The following MYLK variants were observed in gnomAD, a reference collection of about 807,000 sequenced individuals.
The protein encoded by MYLK is myosin light chain kinase, smooth muscle.
Under a neutral mutation model 203.4 loss-of-function variants are expected in MYLK, and 106 were observed. That is an observed-to-expected ratio of 0.52 (90% CI 0.45 to 0.61). MYLK has a LOEUF of 0.61. Ranked by LOEUF, MYLK falls within the 20% of genes least tolerant of loss-of-function variation. MYLK has a pLI of 0.00. For missense variants in MYLK, 2,072 were observed against 2,442.3 expected (o/e 0.85, Z 3.20); for synonymous variants, 867 against 959.5 (o/e 0.90, Z 1.78).
intron 16 of MYLK, among the ~76,000 whole-genome samples, chr3:123,702,617 C>T (rs1484581135): frequency 6.6e-6 from 1 of 152,178 alleles, no homozygotes; most frequent in East Asian, 1.9e-4. Flanking sequence ...TTACATGAGC[C>T]ATCTCATTTA....
In MYLK at chr3:123,657,116, G is replaced by T; in HGVS notation, c.4288+10C>A. ...TGTTTCAAGCCACTGATGAAGTGAT[G>T]GCAGCCTACCTTCAGGTTTCTCTCC... On this transcript the variant is annotated intron_variant, in intron 24 of 33. Transcript: ENST00000360304. The T allele has an allele frequency of 6.2e-7, 1 of 1,614,152 alleles. No homozygotes were observed. The highest frequency in any genetic ancestry group is 1.1e-5 in the South Asian group (1 of 91,072).
intron 4 of MYLK, among the ~76,000 whole-genome samples, chr3:123,765,061 AT>A (rs2063659120): frequency 6.6e-6 from 1 of 152,218 alleles, no homozygotes; most frequent in Non-Finnish European, 1.5e-5. Context: ...AAAAAAAGCA[AT>A]AGAAAATAAC....
chr3:123,821,921 T>C (rs1181415946), intron 3 of MYLK, among the ~76,000 whole-genome samples: 2 of 152,310 alleles, frequency 1.3e-5, no homozygotes, highest in East Asian at 3.9e-4. Context: ...TGCAACGGTT[T>C]TGAGAGGTGG....
In MYLK at chr3:123,657,318, A is replaced by G. The variant is rs764337773; in HGVS notation, c.4096T>C (p.Tyr1366His). 2.5e-6 allele frequency: 4 copies of G among 1,614,118 alleles called. No individual in the cohort carries two copies. The highest frequency in any genetic ancestry group is 3.4e-6 in the Non-Finnish European group (4 of 1,180,014). Reference sequence around the variant, plus strand: ...GCTGAGTCCCAGATCTCGATGCTGTAGGACTGTACAGCACTGCCCCCATCA... The same window carrying G: ...GCTGAGTCCCAGATCTCGATGCTGTGGGACTGTACAGCACTGCCCCCATCA... ...SYDGGSAVQSYSIEIWDSANK... is the reference protein window; with the variant it reads ...SYDGGSAVQSHSIEIWDSANK... Residue 1366 changes from tyrosine to histidine, a missense_variant, in exon 24 of 34, where the codon TAC becomes CAC. Transcript: ENST00000360304.
At chr3:123,818,202 G>A (rs943172542) in intron 3 of MYLK, among the ~76,000 whole-genome samples, 5 of 152,172 alleles carry the variant, frequency 3.3e-5, no homozygotes, top group African/African-American at 1.2e-4. Flanking sequence ...GCCTCCTGCA[G>A]TCACACAGAG....
At chr3:123,680,776 C>T (rs903898204) in intron 20 of MYLK, among the ~76,000 whole-genome samples, 5 of 152,164 alleles carry the variant, frequency 3.3e-5, no homozygotes, top group East Asian at 1.9e-4. Flanking sequence ...TGAGTTAACC[C>T]GGCTCAATTA....
chr3:123,833,045 AAAG>A (rs554942031), intron 2 of MYLK, among the ~76,000 whole-genome samples: 136 of 152,224 alleles, frequency 8.9e-4, no homozygotes, highest in African/African-American at 3.1e-3. Flanking sequence ...CGGGGCTCTC[AAAG>A]AAGGGGCAGG....
intron 4 of MYLK, among the ~76,000 whole-genome samples, chr3:123,791,581 G>A (rs1181015272): frequency 1.3e-5 from 2 of 152,186 alleles, no homozygotes; most frequent in South Asian, 2.1e-4. Context: ...TCTTTCTTCT[G>A]TATACACCAG....
At position 123,707,500 on chromosome 3, in the gene MYLK, T is replaced by C. The variant is rs2061505804; in HGVS notation, c.2390+254A>G. On this transcript the variant is annotated intron_variant, in intron 16 of 33. Transcript: ENST00000360304. ...TCCTTCATACTCACCATACACCACA[T>C]AATGGGGGAACAAGGATGTAACAAG... Among the ~76,000 whole-genome samples, 3 of 152,142 alleles carry C rather than the reference T, an allele frequency of 2.0e-5. No homozygotes were observed. The South Asian group carries it at 6.2e-4, about 31-fold the overall frequency.
chr3:123,749,119 A>ATAC (rs2063116186), intron 5 of MYLK, among the ~76,000 whole-genome samples: 1 of 149,502 alleles, frequency 6.7e-6, no homozygotes, highest in African/African-American at 2.5e-5. Context: ...ACATACATAC[A>ATAC]AATACATAAA....
At chr3:123,668,144 G>A (rs1198440152) in intron 20 of MYLK, among the ~76,000 whole-genome samples, 1 of 152,148 alleles carries the variant, frequency 6.6e-6, no homozygotes, top group African/African-American at 2.4e-5. Flanking sequence ...CTGTCTTCAC[G>A]GCTTGTTTCA....
At chr3:123,881,084 G>A (rs2148730901) in intron 1 of MYLK, among the ~76,000 whole-genome samples, 1 of 152,294 alleles carries the variant, frequency 6.6e-6, no homozygotes, top group South Asian at 2.1e-4. Flanking sequence ...TGGGAGAGGG[G>A]CGTGGCTTGT....
At chr3:123,867,771 T>A (rs2032437627) in intron 2 of MYLK, among the ~76,000 whole-genome samples, 1 of 152,194 alleles carries the variant, frequency 6.6e-6, no homozygotes, top group Non-Finnish European at 1.5e-5. Context: ...AACAAATGCA[T>A]ACACTCTCCT....
intron 16 of MYLK, among the ~76,000 whole-genome samples, chr3:123,706,740 T>C (rs886511967): frequency 7.1e-6 from 1 of 140,488 alleles, no homozygotes; most frequent in Non-Finnish European, 1.5e-5. Context: ...TGTAGCAGTG[T>C]GCCTCATGGA....
chr3:123,753,087 C>T (rs1478955022), intron 4 of MYLK, among the ~76,000 whole-genome samples: 2 of 152,166 alleles, frequency 1.3e-5, no homozygotes, highest in Non-Finnish European at 2.9e-5. Context: ...CCTGCACTGC[C>T]CAGCACGGTA....
chr3:123,739,905 C>T, intron 6 of MYLK, 48 bp downstream of exon 6: 1 of 1,603,460 alleles, frequency 6.2e-7, no homozygotes, highest in Middle Eastern at 1.7e-4. Context: ...CTCAAGTCAG[C>T]AGGAAAGCAA....
chr3:123,738,632 T>C (rs1244749250), intron 7 of MYLK, among the ~76,000 whole-genome samples: 3 of 152,194 alleles, frequency 2.0e-5, no homozygotes, highest in Non-Finnish European at 2.9e-5. Context: ...GCTATTCTCA[T>C]GACAGTGAAT....
Position 123,775,953 on chromosome 3 carries a change from T to C in MYLK, c.165+17724A>G, listed in dbSNP as rs371685229. Among the ~76,000 whole-genome samples, 50 of 152,326 alleles carry C rather than the reference T, an allele frequency of 3.3e-4. No individual in the cohort carries two copies. In the East Asian group the frequency reaches 3.9e-3, roughly 12 times the overall value. ...TCCTGAGCCCTAGGCTGTCTTGATC[T>C]TTCTGACGACTAGGATGAACAGGCC... On this transcript the variant is annotated intron_variant, in intron 4 of 33. Coordinates refer to ENST00000360304, the MANE Select transcript of MYLK (RefSeq NM_053025.4).
chr3:123,733,163 A>G, intron 10 of MYLK, 61 bp from the exon 11 acceptor site: 1 of 1,561,532 alleles, frequency 6.4e-7, no homozygotes, highest in Non-Finnish European at 8.7e-7. Context: ...TGTGATTGTG[A>G]GGTAGGTGGG....
Sources: allele counts gnomAD v4.1 joint callset (sites outside exome capture counted in the v4.1 genomes callset), GRCh38; gene constraint gnomAD v4.1.1; transcripts MANE v1.5; gene names NCBI Gene and HGNC (gene_info 2026-07-23, HGNC 2026-07-21).